RALGAPA1: variants seen among roughly 807,000 people sequenced by gnomAD.
The protein encoded by RALGAPA1 is ral GTPase-activating protein subunit alpha-1.
A neutral mutation model predicts 269.6 loss-of-function variants in RALGAPA1; 52 were observed. The ratio of observed to expected loss-of-function variants is 0.19; its 90% CI spans 0.15 to 0.24. RALGAPA1 has a LOEUF of 0.24. Ranked by LOEUF, RALGAPA1 falls within the 10% of genes least tolerant of loss-of-function variation. RALGAPA1 has a pLI of 1.00. For synonymous variants in RALGAPA1, 817 were observed against 1,008.3 expected, an observed-to-expected ratio of 0.81 and a Z score of 3.60; for missense variants, 1,917 against 3,013.9, an observed-to-expected ratio of 0.64 and a Z score of 8.52.
At chr14:35,553,041 T>C (rs1336504826) in intron 39 of RALGAPA1, among the ~76,000 whole-genome samples, 1 of 152,200 alleles carries the variant, frequency 6.6e-6, no homozygotes, top group African/African-American at 2.4e-5. Context: ...TTTATCTGTA[T>C]GTTAAATGGG....
chr14:35,628,377 A>G (rs2061120887), intron 33 of RALGAPA1, among the ~76,000 whole-genome samples: 1 of 152,170 alleles, frequency 6.6e-6, no homozygotes, highest in Admixed American at 6.6e-5. Flanking sequence ...CTCTATAAAT[A>G]AAAATAATAA....
intron 13 of RALGAPA1, 151 bp from the exon 14 acceptor site, chr14:35,725,304 A>C: frequency 2.1e-6 from 1 of 468,242 alleles, no homozygotes; most frequent in East Asian, 3.5e-5. Context: ...TTAAATATTA[A>C]AAATTAAAAT....
chr14:35,656,920 T>A (rs1297389248), intron 28 of RALGAPA1, among the ~76,000 whole-genome samples: 1 of 152,142 alleles, frequency 6.6e-6, no homozygotes, highest in Non-Finnish European at 1.5e-5. Flanking sequence ...ACATCTATAA[T>A]CCTAAAGCAA....
In RALGAPA1 at chr14:35,539,578, C is replaced by T; in HGVS notation, c.*136G>A. ...TGGCTGAGCCAGAGGAACGACGCAG[C>T]TTCATGGACATGCGGCTTTTGCTAG... On this transcript the variant is annotated 3_prime_UTR_variant, in exon 42 of 42. Transcript: ENST00000680220. 1.2e-6 allele frequency: 2 copies of T among 1,613,386 alleles called. No individual in the cohort carries two copies. Among genetic ancestry groups the T allele is most frequent in the Non-Finnish European group, 1.7e-6 (2 of 1,180,016 alleles).
Position 35,752,063 on chromosome 14 carries a change from T to A in RALGAPA1, c.763A>T (p.Asn255Tyr). Residue 255 changes from asparagine to tyrosine, a missense_variant, in exon 8 of 42, where the codon AAC (asparagine) becomes TAC (tyrosine). Transcript: ENST00000680220. The stretch of plus-strand genomic sequence containing the variant: ...TATAAACTGTTTTCCTTACAGATGT[T>A]TGGAAAAATATAAGGCAAGTAATAT... ...KKYYLPYIFP[N>Y]ICKENSLYHP... 2 of 1,582,232 alleles carry A rather than the reference T, an allele frequency of 1.3e-6. No homozygotes were observed. Among genetic ancestry groups the A allele is most frequent in the Non-Finnish European group, 1.7e-6 (2 of 1,169,562 alleles).
chr14:35,693,109 CATCAT>C (rs2066628500), intron 17 of RALGAPA1, among the ~76,000 whole-genome samples: 1 of 151,784 alleles, frequency 6.6e-6, no homozygotes, highest in African/African-American at 2.4e-5. Flanking sequence ...TTGAATAATA[CATCAT>C]ATATGTTTTG....
chr14:35,728,161 G>C (rs2070140997), intron 13 of RALGAPA1, among the ~76,000 whole-genome samples: 1 of 152,170 alleles, frequency 6.6e-6, no homozygotes, highest in Non-Finnish European at 1.5e-5. Context: ...ACAGTCCAAG[G>C]GGTCTTGCGG....
intron 6 of RALGAPA1, among the ~76,000 whole-genome samples, chr14:35,760,119 T>A (rs751880503): frequency 6.6e-6 from 1 of 152,180 alleles, no homozygotes; most frequent in Non-Finnish European, 1.5e-5. Context: ...TGTACTTCAA[T>A]GTACATCCAA....
intron 39 of RALGAPA1, among the ~76,000 whole-genome samples, chr14:35,566,390 T>C (rs1260818745): frequency 6.6e-6 from 1 of 152,158 alleles, no homozygotes; most frequent in Non-Finnish European, 1.5e-5. Context: ...TTAAACTGTA[T>C]TTAATGATCA....
chr14:35,620,254 A>T (rs1315571537), intron 35 of RALGAPA1, among the ~76,000 whole-genome samples: 1 of 152,226 alleles, frequency 6.6e-6, no homozygotes, highest in Non-Finnish European at 1.5e-5. Context: ...AACCAATGAC[A>T]AAAACCACAT....
Position 35,714,229 on chromosome 14 carries a change from T to C in RALGAPA1, c.2266+7459A>G, listed in dbSNP as rs944775368. Among the ~76,000 whole-genome samples the C allele has an allele frequency of 4.6e-5, 7 of 152,300 alleles. 1 individual carries two copies. Among genetic ancestry groups the C allele is most frequent in the Middle Eastern group, 3.4e-3 (1 of 294 alleles). On this transcript the variant is annotated intron_variant, in intron 16 of 41. Coordinates refer to ENST00000680220, the MANE Select transcript of RALGAPA1 (RefSeq NM_001346249.2). ...TCGAGAGTGTTTTTCAAAGTAGCCGTACCATTTTACACTCCCACTAGCAAT... is the reference window on the plus strand; with the variant it reads ...TCGAGAGTGTTTTTCAAAGTAGCCGCACCATTTTACACTCCCACTAGCAAT...
intron 16 of RALGAPA1, among the ~76,000 whole-genome samples, chr14:35,704,580 G>A (rs2067640562): frequency 6.6e-6 from 1 of 152,062 alleles, no homozygotes; most frequent in Admixed American, 6.6e-5. Flanking sequence ...AGTAAAATAA[G>A]TCTTCGAAAC....
intron 20 of RALGAPA1, 149 bp from the exon 21 acceptor site, chr14:35,684,134 T>C (rs1424535189): frequency 9.9e-6 from 6 of 607,620 alleles, no homozygotes; most frequent in South Asian, 5.5e-5. Context: ...ATAATCTTAA[T>C]ACTCTGAAGA....
chr14:35,634,955 T>C (rs2061578402), intron 32 of RALGAPA1, among the ~76,000 whole-genome samples, 198 bp from the exon 33 acceptor site: 1 of 152,080 alleles, frequency 6.6e-6, no homozygotes, highest in African/African-American at 2.4e-5. Flanking sequence ...GTGGATCACT[T>C]GAGATCAGGA....
intron 19 of RALGAPA1, 69 bp from the exon 20 acceptor site, chr14:35,685,214 A>G: frequency 7.4e-7 from 1 of 1,347,952 alleles, no homozygotes; most frequent in Non-Finnish European, 1.0e-6. Flanking sequence ...TGAAACCTTT[A>G]ATTTCCAAAC....
At chr14:35,592,852 T>A (rs969735425) in intron 37 of RALGAPA1, among the ~76,000 whole-genome samples, 3 of 152,162 alleles carry the variant, frequency 2.0e-5, no homozygotes, top group African/African-American at 7.2e-5. Flanking sequence ...GGAAAGTTCT[T>A]CAACACAATA....
At chr14:35,684,056 G>T in intron 20 of RALGAPA1, 71 bp from the exon 21 acceptor site, 2 of 1,219,510 alleles carry the variant, frequency 1.6e-6, no homozygotes, top group Non-Finnish European at 2.3e-6. Flanking sequence ...AGCTAAATCA[G>T]CAAAATGATC....
chr14:35,664,603 A>G, intron 27 of RALGAPA1, 39 bp downstream of exon 27: 1 of 1,511,310 alleles, frequency 6.6e-7, no homozygotes, highest in East Asian at 2.3e-5. Flanking sequence ...ATGATTATAA[A>G]ATCATTTAAG....
rs761767627 is a variant in RALGAPA1 at position 35,707,995 on chromosome 14, CAAGAACATACACTGGGGA to C, written c.2267-7711_2267-7694del. The stretch of plus-strand genomic sequence containing the variant: ...GTGAACTCATTTTCAATAAAAATGC[CAAGAACATACACTGGGGA>C]AAGGACAGTATCTTCAATAAATGGT... On this transcript the variant is annotated intron_variant, in intron 16 of 41. Transcript: ENST00000680220. 1.9e-3 allele frequency among the ~76,000 whole-genome samples: 284 copies of C among 152,056 alleles called. 2 individuals carry two copies. The highest frequency in any genetic ancestry group is 1.0e-3 in the Non-Finnish European group (71 of 67,946).
Sources: gnomAD v4.1 joint callset for allele counts (sites outside exome capture counted in the v4.1 genomes callset) on GRCh38, gnomAD v4.1.1 for gene constraint, MANE v1.5 for transcripts, NCBI Gene and HGNC (gene_info 2026-07-23, HGNC 2026-07-21) for gene names.